Variants in SOX5 observed in about 807,000 individuals in gnomAD.
SOX5 encodes transcription factor SOX-5.
In SOX5, 9 loss-of-function variants were observed where a neutral mutation model predicts 92.0. The ratio of observed to expected loss-of-function variants is 0.10; its 90% CI spans 0.06 to 0.17. The LOEUF is 0.17. Ranked by LOEUF, SOX5 falls within the 10% of genes least tolerant of loss-of-function variation. The pLI is 1.00. For synonymous variants in SOX5, 344 were observed against 336.3 expected (o/e 1.02, Z -0.25); for missense variants, 642 against 944.5 (o/e 0.68, Z 4.20).
At chr12:24,514,588 A>G (rs1339208596) in intron 1 of SOX5, among the ~76,000 whole-genome samples, 1 of 152,230 alleles carries the variant, frequency 6.6e-6, no homozygotes, top group Non-Finnish European at 1.5e-5. Context: ...GTTCTATTAT[A>G]AAGACACGTG....
chr12:24,199,949 A>G (rs1472962511), intron 4 of SOX5, among the ~76,000 whole-genome samples: 4 of 152,188 alleles, frequency 2.6e-5, no homozygotes, highest in Non-Finnish European at 4.4e-5. Flanking sequence ...AGAAAAAAAA[A>G]ATCAGTAGAA....
chr12:23,986,401 G>T (rs893809048), intron 4 of SOX5, among the ~76,000 whole-genome samples: 1 of 152,034 alleles, frequency 6.6e-6, no homozygotes, highest in African/African-American at 2.4e-5. Flanking sequence ...TATCTTGTCA[G>T]AAAAGGACTT....
intron 2 of SOX5, among the ~76,000 whole-genome samples, chr12:23,872,164 ATT>A (rs71059938): frequency 4.4e-4 from 27 of 61,648 alleles, no homozygotes; most frequent in South Asian, 6.1e-4. Flanking sequence ...CGCCCGGCTA[ATT>A]TTTTTTTTTT....
Position 23,534,120 on chromosome 12 carries a change from A to G in SOX5, c.*99T>C. 1 of 929,216 alleles carries G rather than the reference A, an allele frequency of 1.1e-6. No homozygotes were observed. Among genetic ancestry groups the G allele is most frequent in the Non-Finnish European group, 1.7e-6 (1 of 594,312 alleles). The allele number at this position is 929,216 out of a possible 1,614,324, so 57.6% of individuals were successfully genotyped here. ...ATTTAAGACTAACAGTTAAAGTAAC[A>G]GTCAGTGTATGAGAAAGTTAATGTG... On this transcript the variant is annotated 3_prime_UTR_variant, in exon 15 of 15. Coordinates refer to ENST00000451604, the MANE Select transcript of SOX5 (RefSeq NM_006940.6).
At chr12:24,238,325 G>A (rs1354942830) in intron 3 of SOX5, among the ~76,000 whole-genome samples, 1 of 152,136 alleles carries the variant, frequency 6.6e-6, no homozygotes, top group Admixed American at 6.6e-5. Flanking sequence ...TCTATAGGGA[G>A]CCATGCTCTG....
intron 8 of SOX5, among the ~76,000 whole-genome samples, chr12:23,623,359 G>T (rs1038745776): frequency 2.0e-5 from 3 of 152,028 alleles, no homozygotes; most frequent in Non-Finnish European, 4.4e-5. Flanking sequence ...ATGCTACTGT[G>T]TTAAGAGTGT....
At chr12:24,178,967 G>C (rs1238556634) in intron 4 of SOX5, among the ~76,000 whole-genome samples, 1 of 152,082 alleles carries the variant, frequency 6.6e-6, no homozygotes, top group Admixed American at 6.6e-5. Flanking sequence ...ATAACCATCT[G>C]AAATAGAATT....
intron 4 of SOX5, among the ~76,000 whole-genome samples, chr12:24,050,680 T>A (rs1592687433): frequency 1.3e-5 from 2 of 152,334 alleles, no homozygotes; most frequent in East Asian, 3.9e-4. Flanking sequence ...TATGTATGCA[T>A]GCCTGCTCAG....
At chr12:24,360,725 A>T (rs1217204161) in intron 2 of SOX5, among the ~76,000 whole-genome samples, 1 of 152,192 alleles carries the variant, frequency 6.6e-6, no homozygotes, top group Non-Finnish European at 1.5e-5. Context: ...AGCTGTTCTA[A>T]AAACTGGATA....
chr12:24,357,840 C>CAAAAAA (rs566913275), intron 2 of SOX5, among the ~76,000 whole-genome samples: 7 of 105,106 alleles, frequency 6.7e-5, no homozygotes, highest in South Asian at 7.7e-4. Context: ...GACTCCATCT[C>CAAAAAA]AAAAAAAAAA....
chr12:23,906,077 A>C (rs1853873706), intron 1 of SOX5, among the ~76,000 whole-genome samples: 1 of 152,224 alleles, frequency 6.6e-6, no homozygotes, highest in Non-Finnish European at 1.5e-5. Context: ...AGATAAAATG[A>C]CCAAATGCCT....
At chr12:24,295,389 T>C (rs1259831503) in intron 2 of SOX5, among the ~76,000 whole-genome samples, 1 of 152,230 alleles carries the variant, frequency 6.6e-6, no homozygotes, top group African/African-American at 2.4e-5. Context: ...AAACAATGCA[T>C]GTACTGGCTA....
intron 1 of SOX5, among the ~76,000 whole-genome samples, chr12:24,498,830 T>C (rs1947903236): frequency 6.6e-6 from 1 of 152,170 alleles, no homozygotes. Context: ...TCTCAGGGTA[T>C]CGCTTGATTA....
intron 1 of SOX5, among the ~76,000 whole-genome samples, chr12:24,415,806 A>T (rs1022746202): frequency 6.6e-6 from 1 of 152,242 alleles, no homozygotes; most frequent in Non-Finnish European, 1.5e-5. Context: ...GAGAAAACAA[A>T]GTCATTAAAA....
At chr12:23,736,379 G>A (rs12423180) in intron 5 of SOX5, among the ~76,000 whole-genome samples, 3,754 of 152,006 alleles carry the variant, frequency 0.025, 146 homozygotes, top group East Asian at 0.13. Context: ...GGAGAATGTC[G>A]TGAACCTGGG....
intron 4 of SOX5, among the ~76,000 whole-genome samples, chr12:24,168,863 T>C (rs1055831018): frequency 8.5e-5 from 13 of 152,206 alleles, no homozygotes; most frequent in African/African-American, 3.1e-4. Flanking sequence ...TATGTATTTC[T>C]GTATGTGGAT....
intron 2 of SOX5, among the ~76,000 whole-genome samples, chr12:24,360,433 A>G (rs1457428621): frequency 6.6e-6 from 1 of 152,208 alleles, no homozygotes; most frequent in Non-Finnish European, 1.5e-5. Flanking sequence ...GTCAACTAGG[A>G]AAATCAGCTC....
intron 1 of SOX5, among the ~76,000 whole-genome samples, chr12:24,409,730 T>C (rs1279581676): frequency 6.6e-6 from 1 of 152,226 alleles, no homozygotes; most frequent in Non-Finnish European, 1.5e-5. Context: ...TTTTAGCCTT[T>C]CTGCACTTGT....
intron 1 of SOX5, among the ~76,000 whole-genome samples, chr12:24,478,900 C>T (rs1057506327): frequency 6.6e-6 from 1 of 152,198 alleles, no homozygotes; most frequent in Non-Finnish European, 1.5e-5. Context: ...CATGTGATTC[C>T]CTCGCTGGGA....
Sources: allele counts gnomAD v4.1 joint callset (sites outside exome capture counted in the v4.1 genomes callset), GRCh38; gene constraint gnomAD v4.1.1; transcripts MANE v1.5; gene names NCBI Gene and HGNC (gene_info 2026-07-23, HGNC 2026-07-21).